Variants in CSMD3 observed in about 807,000 individuals in gnomAD.
CSMD3 encodes the protein CUB and Sushi multiple domains 3, also known as CUB and sushi domain-containing protein 3.
Under a neutral mutation model 435.2 loss-of-function variants are expected in CSMD3, and 177 were observed. That is an observed-to-expected ratio of 0.41 (90% CI 0.36 to 0.46). The LOEUF is 0.46. CSMD3 is among the 20% of genes least tolerant of loss of function. The pLI is 0.34. For synonymous variants in CSMD3, 1,656 were observed against 1,520.5 expected, an observed-to-expected ratio of 1.09 and a Z score of -2.07; for missense variants, 4,265 against 4,504.6, an observed-to-expected ratio of 0.95 and a Z score of 1.52.
intron 10 of CSMD3, among the ~76,000 whole-genome samples, chr8:112,913,836 T>C (rs992926798): frequency 1.3e-5 from 2 of 151,968 alleles, no homozygotes; most frequent in African/African-American, 4.8e-5. Flanking sequence ...TATCCTTTTC[T>C]ATAAAAATTT....
chr8:113,267,103 G>A (rs1427116372), intron 3 of CSMD3, among the ~76,000 whole-genome samples: 3 of 151,592 alleles, frequency 2.0e-5, no homozygotes, highest in Non-Finnish European at 3.0e-5. Flanking sequence ...AATAGTATCA[G>A]ATGTGCAATG....
At chr8:112,962,215 G>C (rs1015965924) in intron 7 of CSMD3, among the ~76,000 whole-genome samples, 7 of 148,988 alleles carry the variant, frequency 4.7e-5, no homozygotes, top group African/African-American at 2.5e-5. Flanking sequence ...CTTTTCTTTT[G>C]TTTTGTTTCT....
chr8:112,759,344 A>T (rs1352318223), intron 13 of CSMD3, among the ~76,000 whole-genome samples: 1 of 152,122 alleles, frequency 6.6e-6, no homozygotes, highest in Non-Finnish European at 1.5e-5. Flanking sequence ...ATCATCATAA[A>T]TAATTATAAT....
intron 17 of CSMD3, among the ~76,000 whole-genome samples, chr8:112,664,571 T>C (rs559853609): frequency 1.1e-3 from 167 of 152,282 alleles, no homozygotes; most frequent in African/African-American, 3.9e-3. Context: ...ATGTGTCAAT[T>C]ATTGTTGTGG....
intron 4 of CSMD3, among the ~76,000 whole-genome samples, chr8:113,120,142 A>T (rs1005928976): frequency 6.6e-6 from 1 of 152,082 alleles, no homozygotes; most frequent in African/African-American, 2.4e-5. Flanking sequence ...AAATGAGGTT[A>T]TAATGAATTC....
intron 23 of CSMD3, among the ~76,000 whole-genome samples, chr8:112,578,964 C>T (rs1563726468): frequency 6.6e-6 from 1 of 152,000 alleles, no homozygotes; most frequent in Non-Finnish European, 1.5e-5. Context: ...CATGACCATA[C>T]ATTTCATATA....
At chr8:113,180,521 G>C (rs1057295846) in intron 3 of CSMD3, among the ~76,000 whole-genome samples, 62 of 151,952 alleles carry the variant, frequency 4.1e-4, no homozygotes, top group African/African-American at 1.4e-3. Context: ...AGCATCTTGA[G>C]AAGAGGGACT....
chr8:112,459,073 A>G (rs560023463), intron 32 of CSMD3, among the ~76,000 whole-genome samples: 1 of 152,156 alleles, frequency 6.6e-6, no homozygotes, highest in South Asian at 2.1e-4. Context: ...CATACCTCTG[A>G]AACAACCACT....
At chr8:112,393,270 C>G (rs1291092224) in intron 35 of CSMD3, among the ~76,000 whole-genome samples, 1 of 152,144 alleles carries the variant, frequency 6.6e-6, no homozygotes, top group Non-Finnish European at 1.5e-5. Context: ...TCCTCATCAT[C>G]TTAATCCCCC....
At chr8:112,996,731 GT>G (rs911402119) in intron 6 of CSMD3, among the ~76,000 whole-genome samples, 2 of 151,484 alleles carry the variant, frequency 1.3e-5, no homozygotes, top group African/African-American at 4.8e-5. Context: ...ATCTTAGCAG[GT>G]TTTTAAAAAT....
Position 113,433,437 on chromosome 8 carries a change from A to G in CSMD3, c.178+3240T>C, listed in dbSNP as rs558611966. Among the ~76,000 whole-genome samples, 7 of 152,258 alleles carry G rather than the reference A, an allele frequency of 4.6e-5. No individual in the cohort carries two copies. In the East Asian group the frequency reaches 7.8e-4, roughly 17 times the overall value. ...GTGCCTCTGGCAGCTCTTCCCCCTC[A>G]TAAGACACCCGCGCCCCTCTCCAGT... On this transcript the variant is annotated intron_variant, in intron 1 of 70. Coordinates refer to ENST00000297405, the MANE Select transcript of CSMD3 (RefSeq NM_198123.2).
intron 3 of CSMD3, among the ~76,000 whole-genome samples, chr8:113,235,318 T>G (rs1285322601): frequency 6.6e-6 from 1 of 152,124 alleles, no homozygotes; most frequent in Non-Finnish European, 1.5e-5. Context: ...CTCACCAGGT[T>G]CTGCATTACT....
intron 50 of CSMD3, chr8:112,310,611 T>C (rs1322278583): frequency 3.3e-6 from 1 of 303,796 alleles, no homozygotes; most frequent in Non-Finnish European, 6.4e-6. Context: ...CAGTCTTCAG[T>C]GTACTTGCCC....
intron 4 of CSMD3, among the ~76,000 whole-genome samples, chr8:113,114,914 A>T (rs1273951912): frequency 6.6e-6 from 1 of 152,218 alleles, no homozygotes; most frequent in Admixed American, 6.5e-5. Context: ...GGAGAGCGTG[A>T]AGGTTAAAAA....
At chr8:112,413,332 C>T (rs1375576375) in intron 32 of CSMD3, among the ~76,000 whole-genome samples, 1 of 152,156 alleles carries the variant, frequency 6.6e-6, no homozygotes, top group East Asian at 1.9e-4. Flanking sequence ...GTTCCATTGA[C>T]TGAGAAAGTT....
intron 24 of CSMD3, among the ~76,000 whole-genome samples, chr8:112,568,209 T>C (rs536631141): frequency 8.2e-4 from 125 of 152,302 alleles, no homozygotes; most frequent in African/African-American, 2.2e-3. Flanking sequence ...GAGAAATTTA[T>C]TTGGGAGAAG....
intron 4 of CSMD3, among the ~76,000 whole-genome samples, chr8:113,123,194 G>A (rs769050101): frequency 7.9e-5 from 12 of 152,150 alleles, no homozygotes; most frequent in East Asian, 3.9e-4. Flanking sequence ...ACCTTGTCCT[G>A]TGATTGCCTC....
At chr8:113,312,551 A>G (rs1389949365) in intron 2 of CSMD3, 1 of 152,218 alleles carries the variant, frequency 6.6e-6, no homozygotes, top group Non-Finnish European at 1.5e-5. Context: ...AGCAGGAAAG[A>G]GGAAAAATAA....
intron 3 of CSMD3, among the ~76,000 whole-genome samples, chr8:113,207,845 GATAAT>G (rs1464946093): frequency 1.3e-5 from 2 of 152,124 alleles, no homozygotes; most frequent in African/African-American, 2.4e-5. Context: ...GTAATTAAAA[GATAAT>G]ATAACGATTT....
Sources: gnomAD v4.1 joint callset for allele counts (sites outside exome capture counted in the v4.1 genomes callset) on GRCh38, gnomAD v4.1.1 for gene constraint, MANE v1.5 for transcripts, NCBI Gene and HGNC (gene_info 2026-07-23, HGNC 2026-07-21) for gene names.